Variants in AP3S1 observed in about 807,000 individuals in gnomAD.
AP3S1 encodes the protein adaptor related protein complex 3 subunit sigma 1.
Under a neutral mutation model 21.3 loss-of-function variants are expected in AP3S1, and 12 were observed. That is an observed-to-expected ratio of 0.56 (90% CI 0.36 to 0.91). The LOEUF (loss-of-function observed/expected upper bound fraction) is 0.91, where lower values mean the gene tolerates loss of function less well. AP3S1 is among the 40% of genes least tolerant of loss of function. The pLI, the probability that AP3S1 is intolerant of heterozygous loss-of-function variation, is 0.01. For missense variants in AP3S1, 116 were observed against 225.0 expected, an observed-to-expected ratio of 0.52 and a Z score of 3.10; for synonymous variants, 48 against 78.4, an observed-to-expected ratio of 0.61 and a Z score of 2.05.
chr5:115,875,242 A>G (rs73253122), intron 3 of AP3S1, among the ~76,000 whole-genome samples: 1 of 152,120 alleles, frequency 6.6e-6, no homozygotes, highest in Admixed American at 6.6e-5. Flanking sequence ...TATATGACAC[A>G]TTTATGTGAT....
At chr5:115,861,702 G>A (rs1318912384) in intron 1 of AP3S1, among the ~76,000 whole-genome samples, 1 of 151,718 alleles carries the variant, frequency 6.6e-6, no homozygotes, top group African/African-American at 2.4e-5. Context: ...CTACAGACAT[G>A]CACTACCATG....
At chr5:115,878,561 T>C (rs1458424163) in intron 3 of AP3S1, among the ~76,000 whole-genome samples, 1 of 152,234 alleles carries the variant, frequency 6.6e-6, no homozygotes, top group African/African-American at 2.4e-5. Context: ...TGTGTATACC[T>C]GTTTTGGCAC....
chr5:115,862,649 G>A (rs775911383), intron 1 of AP3S1, among the ~76,000 whole-genome samples: 10 of 152,318 alleles, frequency 6.6e-5, no homozygotes, highest in African/African-American at 2.2e-4. Flanking sequence ...TTGAGAATCT[G>A]CTTAAAATGC....
chr5:115,848,237 T>C (rs1344212100), intron 1 of AP3S1, among the ~76,000 whole-genome samples: 3 of 152,168 alleles, frequency 2.0e-5, no homozygotes, highest in African/African-American at 7.2e-5. Flanking sequence ...AAGGTCATTC[T>C]TGATTTTACC....
At chr5:115,851,996 A>G (rs1202176594) in intron 1 of AP3S1, among the ~76,000 whole-genome samples, 1 of 152,134 alleles carries the variant, frequency 6.6e-6, no homozygotes, top group Non-Finnish European at 1.5e-5. Flanking sequence ...ATTAAATAAG[A>G]GAATGGTTGT....
chr5:115,853,560 A>G (rs1242342082), intron 1 of AP3S1, among the ~76,000 whole-genome samples: 4 of 152,118 alleles, frequency 2.6e-5, no homozygotes, highest in Admixed American at 2.0e-4. Flanking sequence ...AAAATCTTGT[A>G]ACTGTGTTTC....
chr5:115,863,528 A>G (rs1763360920), intron 1 of AP3S1, among the ~76,000 whole-genome samples: 1 of 151,824 alleles, frequency 6.6e-6, no homozygotes, highest in Non-Finnish European at 1.5e-5. Context: ...TCAAAATTGC[A>G]CCACTGCACT....
At position 115,842,120 on chromosome 5, in the gene AP3S1, C is replaced by T. The variant is rs1173816078; in HGVS notation, c.69+14C>T. On this transcript the variant is annotated intron_variant, in intron 1 of 5. Transcript: ENST00000316788. ...TACCAGCCCTACGTGAGTATCCAGC[C>T]GCCGCTGATCCGGGCGAGGGGGAGT... The T allele has an allele frequency of 9.3e-6, 13 of 1,399,258 alleles. No individual in the cohort carries two copies. The highest frequency in any genetic ancestry group is 2.6e-5 in the Admixed American group (1 of 38,078). The allele number at this position is 1,399,258 out of a possible 1,614,324, so 86.7% of individuals were successfully genotyped here.
rs553311265 is a variant in AP3S1, at chr5:115,854,960, T to G, written c.70-11710T>G. Among the ~76,000 whole-genome samples, 124 of 152,226 alleles carry G rather than the reference T, an allele frequency of 8.1e-4. 1 individual carries two copies. Among genetic ancestry groups the G allele is most frequent in the African/African-American group, 2.7e-3 (111 of 41,532 alleles). The stretch of plus-strand genomic sequence containing the variant: ...AGAAATCGCCCTCTACCTTTTATTA[T>G]AAAGTTATTTTCTATATATGTATGC... On this transcript the variant is annotated intron_variant, in intron 1 of 5. Coordinates refer to ENST00000316788, the MANE Select transcript of AP3S1 (RefSeq NM_001284.4).
At position 115,897,474 on chromosome 5, in the gene AP3S1, A is replaced by G. The variant is rs549209258; in HGVS notation, c.345+2316A>G. Among the ~76,000 whole-genome samples the G allele has an allele frequency of 3.0e-4, 46 of 152,298 alleles. 2 individuals are homozygous for G. In the South Asian group the frequency reaches 8.1e-3, roughly 27 times the overall value. On this transcript the variant is annotated intron_variant, in intron 4 of 5. Coordinates refer to ENST00000316788, the MANE Select transcript of AP3S1 (RefSeq NM_001284.4). Reference sequence around the variant, plus strand: ...CTTTGATGAAAATTATTTTCAACTTAAAAATATAGATATATTTTTTTAAAT... The same window carrying G: ...CTTTGATGAAAATTATTTTCAACTTGAAAATATAGATATATTTTTTTAAAT...
chr5:115,859,665 G>A (rs1561480919), intron 1 of AP3S1, among the ~76,000 whole-genome samples: 3 of 152,206 alleles, frequency 2.0e-5, no homozygotes, highest in African/African-American at 7.2e-5. Flanking sequence ...TTCAAGGGAG[G>A]GTGAAATTGT....
At chr5:115,844,492 C>T (rs1274351193) in intron 1 of AP3S1, among the ~76,000 whole-genome samples, 1 of 152,158 alleles carries the variant, frequency 6.6e-6, no homozygotes, top group Non-Finnish European at 1.5e-5. Flanking sequence ...GGCAGCCTTG[C>T]AGATATCTGG....
chr5:115,893,868 A>G (rs1394223531), intron 3 of AP3S1, among the ~76,000 whole-genome samples: 1 of 152,160 alleles, frequency 6.6e-6, no homozygotes, highest in Non-Finnish European at 1.5e-5. Flanking sequence ...TTTACTTTTA[A>G]TACTACCCCA....
chr5:115,882,101 G>C (rs1036985070), intron 3 of AP3S1, among the ~76,000 whole-genome samples: 18 of 151,792 alleles, frequency 1.2e-4, no homozygotes, highest in African/African-American at 4.4e-4. Flanking sequence ...CAATTCCTCT[G>C]ACCTTTTATC....
chr5:115,900,028 A>G (rs1751075590), intron 4 of AP3S1, among the ~76,000 whole-genome samples: 1 of 152,146 alleles, frequency 6.6e-6, no homozygotes, highest in Non-Finnish European at 1.5e-5. Flanking sequence ...GAATAGTGTA[A>G]TAAAATTAGA....
At chr5:115,851,682 T>C (rs2112782600) in intron 1 of AP3S1, among the ~76,000 whole-genome samples, 1 of 152,224 alleles carries the variant, frequency 6.6e-6, no homozygotes, top group East Asian at 1.9e-4. Context: ...TGTTGTTAAG[T>C]TGTAGGAGTT....
intron 5 of AP3S1, 200 bp downstream of exon 5, chr5:115,903,192 C>T (rs1489981254): frequency 2.5e-6 from 1 of 400,086 alleles, no homozygotes; most frequent in African/African-American, 2.1e-5. Flanking sequence ...TTTGTGTATT[C>T]TTCTTTTAGC....
intron 5 of AP3S1, chr5:115,909,064 A>G (rs1751889724): frequency 1.3e-6 from 1 of 749,450 alleles, no homozygotes; most frequent in African/African-American, 1.9e-5. Context: ...TCCAACTACC[A>G]TCTTATTATG....
At chr5:115,913,311 C>T in intron 5 of AP3S1, 51 bp from the exon 6 acceptor site, 1 of 1,127,886 alleles carries the variant, frequency 8.9e-7, no homozygotes, top group African/African-American at 1.9e-5. Flanking sequence ...TTATGATGAG[C>T]TACACCTGAG....
Sources: gnomAD v4.1 joint callset for allele counts (sites outside exome capture counted in the v4.1 genomes callset) on GRCh38, gnomAD v4.1.1 for gene constraint, MANE v1.5 for transcripts, NCBI Gene and HGNC (gene_info 2026-07-23, HGNC 2026-07-21) for gene names.